Variants in MYOF observed in about 807,000 individuals in gnomAD.
MYOF encodes the protein myoferlin, also known as fer-1-like 3, myoferlin.
In MYOF, 244 loss-of-function variants were observed where a neutral mutation model predicts 284.2. That is an observed-to-expected ratio of 0.86 (90% CI 0.77 to 0.95). The LOEUF (loss-of-function observed/expected upper bound fraction) is 0.95, where lower values mean the gene tolerates loss of function less well. MYOF is among the 40% of genes least tolerant of loss of function. MYOF has a pLI of 0.00. For synonymous variants in MYOF, 904 were observed against 919.7 expected, an observed-to-expected ratio of 0.98 and a Z score of 0.31; for missense variants, 2,496 against 2,560.6, an observed-to-expected ratio of 0.97 and a Z score of 0.54.
intron 33 of MYOF, 42 bp downstream of exon 33, chr10:93,351,623 T>G: frequency 6.2e-7 from 1 of 1,601,738 alleles, no homozygotes; most frequent in Non-Finnish European, 8.5e-7. Flanking sequence ...CCTTCAAATC[T>G]CCATCATCCC....
At chr10:93,397,965 G>A (rs866857802) in intron 13 of MYOF, among the ~76,000 whole-genome samples, 1 of 152,090 alleles carries the variant, frequency 6.6e-6, no homozygotes, top group Non-Finnish European at 1.5e-5. Flanking sequence ...ATCCTGAAAT[G>A]TTTCTCCCCA....
intron 3 of MYOF, among the ~76,000 whole-genome samples, chr10:93,437,867 G>A (rs1849198237): frequency 6.6e-6 from 1 of 152,168 alleles, no homozygotes; most frequent in African/African-American, 2.4e-5. Flanking sequence ...AAAGGCAGGA[G>A]AGCCAAGGAT....
intron 3 of MYOF, among the ~76,000 whole-genome samples, chr10:93,433,835 G>A (rs1848981044): frequency 6.6e-6 from 1 of 152,216 alleles, no homozygotes; most frequent in Non-Finnish European, 1.5e-5. Flanking sequence ...AGCAGCAACT[G>A]TATTATTCTC....
intron 21 of MYOF, among the ~76,000 whole-genome samples, chr10:93,377,647 T>C (rs58048802): frequency 0.097 from 14,798 of 152,026 alleles, 2,405 homozygotes; most frequent in African/African-American, 0.34. Context: ...ATAATTACAC[T>C]AAACTAACCC....
intron 1 of MYOF, among the ~76,000 whole-genome samples, chr10:93,474,764 G>C (rs1388024817): frequency 2.1e-5 from 2 of 95,994 alleles, no homozygotes; most frequent in Non-Finnish European, 5.1e-5. Flanking sequence ...TTTTTTTTTT[G>C]AGATGAAGTT....
At chr10:93,467,742 AG>A (rs1468843253) in intron 1 of MYOF, among the ~76,000 whole-genome samples, 1 of 152,238 alleles carries the variant, frequency 6.6e-6, no homozygotes, top group African/African-American at 2.4e-5. Context: ...CAACAACGAT[AG>A]ACTGGATTAA....
chr10:93,396,674 A>T (rs1352358684), intron 15 of MYOF, among the ~76,000 whole-genome samples: 4 of 152,174 alleles, frequency 2.6e-5, no homozygotes, highest in Non-Finnish European at 5.9e-5. Flanking sequence ...TATGATTGTG[A>T]TGATCATGAT....
chr10:93,383,077 G>T (rs923667143), intron 19 of MYOF, among the ~76,000 whole-genome samples: 10 of 151,946 alleles, frequency 6.6e-5, no homozygotes, highest in African/African-American at 2.2e-4. Context: ...TGTATTTTTA[G>T]TAGACACGGG....
rs58503520 is a variant in MYOF, at chr10:93,428,566, A to AACACAC, written c.346-2414_346-2409dup. Among the ~76,000 whole-genome samples, 714 of 143,902 alleles carry AACACAC rather than the reference A, an allele frequency of 5.0e-3. 1 individual carries two copies. The highest frequency in any genetic ancestry group is 8.4e-3 in the African/African-American group (325 of 38,502). 94.4% of individuals were successfully genotyped at this position (143,902 alleles called of 152,430 possible). A position where few individuals can be genotyped will look rare whatever the true frequency, so the allele number is the denominator to read the frequency against. On this transcript the variant is annotated intron_variant, in intron 4 of 53. Transcript: ENST00000359263. ...TTTGCCACTTTTCCTACATCTGGTA[A>AACACAC]ACACACACACACACACACACACACA...
intron 43 of MYOF, among the ~76,000 whole-genome samples, chr10:93,332,441 C>T (rs950445049): frequency 9.2e-5 from 14 of 151,818 alleles, no homozygotes; most frequent in Middle Eastern, 3.4e-3. Context: ...AGGCTGGTCT[C>T]GAACTCCTGA....
intron 3 of MYOF, among the ~76,000 whole-genome samples, chr10:93,449,450 T>C (rs2056529190): frequency 6.6e-6 from 1 of 152,192 alleles, no homozygotes. Context: ...CTTAGTAACA[T>C]GCAGGAGGCT....
chr10:93,337,849 C>G lies in MYOF; in HGVS notation c.4403G>C (p.Gly1468Ala), dbSNP rs1353207084. 1.9e-5 allele frequency: 31 copies of G among 1,613,964 alleles called. No individual in the cohort carries two copies. Among genetic ancestry groups the G allele is most frequent in the Non-Finnish European group, 2.4e-5 (28 of 1,180,018 alleles). Reference protein sequence around the residue: ...YASSGEHEKCGQYIQKGYSKL... With the variant: ...YASSGEHEKCAQYIQKGYSKL... Reference sequence around the variant, plus strand: ...GGAATAGCCTTTCTGAATATACTGTCCGCATTTTTCATGTTCCCCTGAGGA... The same window carrying G: ...GGAATAGCCTTTCTGAATATACTGTGCGCATTTTTCATGTTCCCCTGAGGA... The change falls in exon 40 of 54, where the codon GGA becomes GCA. Residue 1468 changes from glycine (G) to alanine (A), a missense_variant. Physicochemically the swap from Gly to Ala is moderately conservative, Grantham distance 60 (BLOSUM62 0). Around this residue, in one of 3 missense-constraint regions of MYOF, gnomAD observed 2,436 missense variants for 2,480.7 expected, o/e 0.98. Coordinates refer to ENST00000359263, the MANE Select transcript of MYOF (RefSeq NM_013451.4).
chr10:93,456,730 G>A, intron 2 of MYOF, 152 bp downstream of exon 2: 2 of 615,902 alleles, frequency 3.2e-6, no homozygotes, highest in South Asian at 4.2e-5. Context: ...GAACTGCTCT[G>A]CTCTCTTGGT....
chr10:93,463,027 C>CT (rs2056920817), intron 1 of MYOF, among the ~76,000 whole-genome samples: 1 of 152,196 alleles, frequency 6.6e-6, no homozygotes, highest in African/African-American at 2.4e-5. Flanking sequence ...AGAGCACACT[C>CT]TGAGTGTGCT....
intron 1 of MYOF, among the ~76,000 whole-genome samples, chr10:93,469,706 C>G (rs2057093342): frequency 6.6e-6 from 1 of 152,106 alleles, no homozygotes; most frequent in Admixed American, 6.6e-5. Context: ...ACGTGCCTGA[C>G]CACAGGATGG....
chr10:93,390,791 T>C (rs1292228018), intron 17 of MYOF, among the ~76,000 whole-genome samples: 1 of 151,166 alleles, frequency 6.6e-6, no homozygotes, highest in Non-Finnish European at 1.5e-5. Context: ...TTTTAGAAGC[T>C]GAATCACACA....
At chr10:93,397,341 T>G in intron 14 of MYOF, 47 bp downstream of exon 14, 9 of 1,586,250 alleles carry the variant, frequency 5.7e-6, no homozygotes, top group Non-Finnish European at 7.8e-6. Context: ...ATTTAGTAAT[T>G]ATTAAGTAAG....
At position 93,462,552 on chromosome 10, in the gene MYOF, A is replaced by G. The variant is rs190613026; in HGVS notation, c.89-5615T>C. On this transcript the variant is annotated intron_variant, in intron 1 of 53. Coordinates refer to ENST00000359263, the MANE Select transcript of MYOF (RefSeq NM_013451.4). ...CAGGTCTAGTATGACTCCTGAGCCCATGCATTTAACCACTGCACCTCCCAT... is the reference window on the plus strand; with the variant it reads ...CAGGTCTAGTATGACTCCTGAGCCCGTGCATTTAACCACTGCACCTCCCAT... Among the ~76,000 whole-genome samples, 252 of 152,258 alleles carry G rather than the reference A, an allele frequency of 1.7e-3. 1 individual carries two copies. Among genetic ancestry groups the G allele is most frequent in the Middle Eastern group, 6.8e-3 (2 of 294 alleles).
intron 4 of MYOF, among the ~76,000 whole-genome samples, chr10:93,428,139 A>T (rs893844643): frequency 4.0e-5 from 6 of 151,764 alleles, no homozygotes; most frequent in African/African-American, 1.5e-4. Flanking sequence ...GGACATCTGG[A>T]CAGGACATCA....
Sources: allele counts gnomAD v4.1 joint callset (sites outside exome capture counted in the v4.1 genomes callset), GRCh38; gene constraint gnomAD v4.1.1; regional missense constraint gnomAD v4.1.1; transcripts MANE v1.5; gene names NCBI Gene and HGNC (gene_info 2026-07-23, HGNC 2026-07-21).